The following EYS variants were observed in gnomAD, a reference collection of about 807,000 sequenced individuals.
EYS encodes the protein protein eyes shut homolog.
EYS carries 250 observed loss-of-function variants against 282.1 expected under a neutral mutation model. That is an observed-to-expected ratio of 0.89 (90% CI 0.80 to 0.98). The LOEUF (loss-of-function observed/expected upper bound fraction) is 0.98, where lower values mean the gene tolerates loss of function less well. EYS is among the 50% of genes least tolerant of loss of function. The probability of loss-of-function intolerance (pLI) is 0.00; values close to 1 mark genes in which losing one functional copy is unlikely to be tolerated. For missense variants in EYS, 4,016 were observed against 3,709.0 expected (o/e 1.08, Z -2.15); for synonymous variants, 1,355 against 1,282.9 (o/e 1.06, Z -1.20).
chr6:64,260,207 C>T (rs963997373), intron 30 of EYS, among the ~76,000 whole-genome samples: 1 of 151,960 alleles, frequency 6.6e-6, no homozygotes, highest in Non-Finnish European at 1.5e-5. Context: ...GCTGGAGTTT[C>T]GCTATCTTAA....
intron 24 of EYS, among the ~76,000 whole-genome samples, chr6:64,599,413 T>C (rs183955965): frequency 1.3e-5 from 2 of 152,236 alleles, no homozygotes; most frequent in Admixed American, 6.5e-5. Flanking sequence ...ACTAGATGTA[T>C]GGGGTGAGAA....
At chr6:64,231,004 A>G (rs1177505628) in intron 30 of EYS, among the ~76,000 whole-genome samples, 180 bp from the exon 31 acceptor site, 1 of 152,240 alleles carries the variant, frequency 6.6e-6, no homozygotes, top group South Asian at 2.1e-4. Context: ...GTAAATGTTA[A>G]AAATTTCTGA....
intron 32 of EYS, among the ~76,000 whole-genome samples, chr6:64,081,522 T>A (rs189753155): frequency 6.6e-6 from 1 of 152,324 alleles, no homozygotes; most frequent in East Asian, 1.9e-4. Flanking sequence ...AAGTATTGAA[T>A]GTAATTCATA....
At chr6:64,494,484 C>T (rs940647906) in intron 26 of EYS, among the ~76,000 whole-genome samples, 4 of 151,570 alleles carry the variant, frequency 2.6e-5, no homozygotes, top group African/African-American at 9.7e-5. Flanking sequence ...TTTATTTCTG[C>T]CATTCTACAA....
intron 12 of EYS, among the ~76,000 whole-genome samples, chr6:65,162,911 T>TTGTG (rs3036015): frequency 0.1 from 14,831 of 147,274 alleles, 866 homozygotes; most frequent in African/African-American, 0.16. Flanking sequence ...CCTGTTCTGT[T>TTGTG]TGTGTGTGTG....
intron 24 of EYS, among the ~76,000 whole-genome samples, chr6:64,595,251 T>A (rs936608184): frequency 6.6e-6 from 1 of 152,146 alleles, no homozygotes; most frequent in African/African-American, 2.4e-5. Context: ...CACTTCATAA[T>A]AAAAAGTCTC....
At chr6:64,137,818 A>T (rs1157472941) in intron 31 of EYS, among the ~76,000 whole-genome samples, 2 of 152,188 alleles carry the variant, frequency 1.3e-5, no homozygotes, top group African/African-American at 4.8e-5. Context: ...AAAGTATGAG[A>T]ATCATCAAAA....
At chr6:64,308,674 G>C (rs1240948477) in intron 29 of EYS, among the ~76,000 whole-genome samples, 1 of 151,874 alleles carries the variant, frequency 6.6e-6, no homozygotes, top group Non-Finnish European at 1.5e-5. Flanking sequence ...CCTTTGTCTT[G>C]TTTAGAAATT....
chr6:64,432,190 C>T (rs1338830), intron 28 of EYS, among the ~76,000 whole-genome samples: 42,117 of 151,926 alleles, frequency 0.28, 5,962 homozygotes, highest in East Asian at 0.46. Flanking sequence ...CCAATAAATT[C>T]TCCAGGAGAC....
chr6:64,230,423 A>G (rs1006193761), intron 31 of EYS, among the ~76,000 whole-genome samples, 169 bp downstream of exon 31: 10 of 152,248 alleles, frequency 6.6e-5, no homozygotes, highest in Non-Finnish European at 1.5e-4. Context: ...TTGCTTCTAC[A>G]ATACTAAACT....
At chr6:64,611,582 A>AT (rs1472026101) in intron 24 of EYS, among the ~76,000 whole-genome samples, 1 of 152,084 alleles carries the variant, frequency 6.6e-6, no homozygotes, top group East Asian at 1.9e-4. Flanking sequence ...AAACTAATTG[A>AT]TTTTTATATT....
At chr6:64,494,228 C>G (rs1776824029) in intron 26 of EYS, among the ~76,000 whole-genome samples, 1 of 151,650 alleles carries the variant, frequency 6.6e-6, no homozygotes, top group Non-Finnish European at 1.5e-5. Context: ...CATTTATCCT[C>G]AAACCATTCT....
intron 22 of EYS, among the ~76,000 whole-genome samples, chr6:64,632,794 C>G (rs964921320): frequency 2.6e-5 from 4 of 152,014 alleles, no homozygotes; most frequent in Admixed American, 1.3e-4. Context: ...GCAGAATGGT[C>G]TTGATTATGA....
intron 8 of EYS, among the ~76,000 whole-genome samples, chr6:65,368,645 A>G (rs1765012475): frequency 6.6e-6 from 1 of 151,760 alleles, no homozygotes; most frequent in South Asian, 2.1e-4. Flanking sequence ...CTTATTTAAA[A>G]TATGAGAGTA....
intron 33 of EYS, among the ~76,000 whole-genome samples, chr6:64,045,691 C>T (rs987879842): frequency 3.3e-5 from 5 of 150,848 alleles, no homozygotes; most frequent in Non-Finnish European, 5.9e-5. Context: ...AGATGATCTG[C>T]CCGCCTCGGC....
intron 36 of EYS, among the ~76,000 whole-genome samples, chr6:63,859,316 A>G (rs1359389559): frequency 6.6e-6 from 1 of 151,988 alleles, no homozygotes; most frequent in East Asian, 1.9e-4. Flanking sequence ...ACTCATTGAA[A>G]TTGAAGTACA....
At chr6:65,148,182 TGAACTCTAAAGTCCAAGTCCAAA>T (rs1188808867) in intron 12 of EYS, among the ~76,000 whole-genome samples, 1 of 152,130 alleles carries the variant, frequency 6.6e-6, no homozygotes, top group Non-Finnish European at 1.5e-5. Context: ...GATTCCAGCA[TGAACTCTAAAGTCCAAGTCCAAA>T]GTCTCATCTG....
chr6:64,302,184 GACCAA>G (rs1769260638), intron 30 of EYS, among the ~76,000 whole-genome samples: 1 of 152,074 alleles, frequency 6.6e-6, no homozygotes, highest in Non-Finnish European at 1.5e-5. Context: ...GTCACTGCTT[GACCAA>G]GCCACCCAAT....
At chr6:63,763,625 G>A (rs1316401814) in intron 40 of EYS, among the ~76,000 whole-genome samples, 4 of 151,334 alleles carry the variant, frequency 2.6e-5, no homozygotes, top group African/African-American at 7.3e-5. Context: ...TTCAATGGGC[G>A]CTCATTCTTC....
Sources: allele counts gnomAD v4.1 joint callset (sites outside exome capture counted in the v4.1 genomes callset), GRCh38; gene constraint gnomAD v4.1.1; transcripts MANE v1.5; gene names NCBI Gene and HGNC (gene_info 2026-07-23, HGNC 2026-07-21).